The following ST3GAL1 variants were observed in gnomAD, a reference collection of about 807,000 sequenced individuals.
ST3GAL1 encodes the protein ST3 beta-galactoside alpha-2,3-sialyltransferase 1.
ST3GAL1 carries 16 observed loss-of-function variants against 34.1 expected under a neutral mutation model. The ratio of observed to expected loss-of-function variants is 0.47; its 90% CI spans 0.32 to 0.71. The LOEUF (loss-of-function observed/expected upper bound fraction) is 0.71. ST3GAL1 is among the 30% of genes least tolerant of loss of function. The pLI is 0.04. For missense variants in ST3GAL1, 353 were observed against 447.4 expected (o/e 0.79, Z 1.90); for synonymous variants, 191 against 184.7 (o/e 1.03, Z -0.28).
At chr8:133,483,353 C>G (rs1035701079) in intron 3 of ST3GAL1, among the ~76,000 whole-genome samples, 1 of 152,084 alleles carries the variant, frequency 6.6e-6, no homozygotes, top group African/African-American at 2.4e-5. Context: ...AACAAACAAA[C>G]AAACAAAAAT....
At chr8:133,560,294 C>A (rs1272493128) in intron 1 of ST3GAL1, among the ~76,000 whole-genome samples, 1 of 151,938 alleles carries the variant, frequency 6.6e-6, no homozygotes, top group Admixed American at 6.5e-5. Context: ...CCATCACTTC[C>A]ATCAGCATGA....
rs963249305 is a variant in ST3GAL1 at position 133,455,220 on chromosome 8, A to C, written c.*4544T>G. 6.6e-6 allele frequency: 1 copy of C among 152,330 alleles called. No homozygotes were observed. The highest frequency in any genetic ancestry group is 1.5e-5 in the Non-Finnish European group (1 of 68,074). 9.4% of individuals were successfully genotyped at this position (152,330 alleles called of 1,614,324 possible). On this transcript the variant is annotated 3_prime_UTR_variant, in exon 10 of 10. Coordinates refer to ENST00000522652, the MANE Select transcript of ST3GAL1 (RefSeq NM_173344.3). ...AGGCTAGGGTTAAAGCTGACGTCCC[A>C]CAGCTCAGGACGTACAACCGATGGC...
rs528735131 is a variant in ST3GAL1 at position 133,457,846 on chromosome 8, G to A, written c.*1918C>T. On this transcript the variant is annotated 3_prime_UTR_variant, in exon 10 of 10. Coordinates refer to ENST00000522652, the MANE Select transcript of ST3GAL1 (RefSeq NM_173344.3). ...GTGCAGAGGGGGCTCCCCCGAGCCT[G>A]GGAGCACAGGCCCCATGCCTCCGTC... 1 of 152,360 alleles carries A rather than the reference G, an allele frequency of 6.6e-6. No individual in the cohort carries two copies. Among genetic ancestry groups the A allele is most frequent in the South Asian group, 2.1e-4 (1 of 4,822 alleles). The allele number at this position is 152,360 out of a possible 1,614,324, so 9.4% of individuals were successfully genotyped here. A position where few individuals can be genotyped will look rare whatever the true frequency, so the allele number is the denominator to read the frequency against.
intron 3 of ST3GAL1, among the ~76,000 whole-genome samples, chr8:133,487,334 A>G (rs1816645762): frequency 9.1e-6 from 1 of 109,762 alleles, no homozygotes; most frequent in African/African-American, 3.2e-5. Context: ...ATTCCTGACC[A>G]TCACAAAAGA....
At chr8:133,565,150 C>CCT (rs1819353521) in intron 1 of ST3GAL1, among the ~76,000 whole-genome samples, 1 of 67,224 alleles carries the variant, frequency 1.5e-5, no homozygotes, top group Non-Finnish European at 2.9e-5. Context: ...GCTCTGTGTG[C>CCT]CTGTGTGTGT....
At chr8:133,531,707 T>C (rs1818158022) in intron 2 of ST3GAL1, among the ~76,000 whole-genome samples, 1 of 151,292 alleles carries the variant, frequency 6.6e-6, no homozygotes, top group African/African-American at 2.4e-5. Flanking sequence ...TAATGCCTGC[T>C]TAAAACCTAG....
At chr8:133,565,142 TCTGTGTGC>T (rs1819352306) in intron 1 of ST3GAL1, among the ~76,000 whole-genome samples, 2 of 144,192 alleles carry the variant, frequency 1.4e-5, no homozygotes, top group South Asian at 4.6e-4. Context: ...AGATAACAGC[TCTGTGTGC>T]CTGTGTGTGT....
intron 3 of ST3GAL1, among the ~76,000 whole-genome samples, chr8:133,482,093 A>T (rs895372879): frequency 6.6e-6 from 1 of 151,904 alleles, no homozygotes; most frequent in African/African-American, 2.4e-5. Context: ...CCTCTGCAAA[A>T]ATCAGCACAT....
intron 2 of ST3GAL1, among the ~76,000 whole-genome samples, chr8:133,509,973 T>C (rs2975744): frequency 0.26 from 39,104 of 150,904 alleles, 5,263 homozygotes; most frequent in African/African-American, 0.31. Flanking sequence ...GCAGGAGAAT[T>C]GCTTGAACCC....
chr8:133,462,261 G>C (rs1317712431), intron 8 of ST3GAL1, among the ~76,000 whole-genome samples: 1 of 152,134 alleles, frequency 6.6e-6, no homozygotes, highest in Non-Finnish European at 1.5e-5. Flanking sequence ...TCACTGAGCT[G>C]ACACACAGAA....
Position 133,508,960 on chromosome 8 carries a change from C to T in ST3GAL1, c.-428-9771G>A, listed in dbSNP as rs1817426927. Among the ~76,000 whole-genome samples, 1 of 152,124 alleles carries T rather than the reference C, an allele frequency of 6.6e-6. No individual in the cohort carries two copies. Among genetic ancestry groups the T allele is most frequent in the South Asian group, 2.1e-4 (1 of 4,830 alleles). ...AGTCCCTTGTCTCTGATCCAGGAAGCTCCTGTCTTCTGCCAGCATCTGTCA... is the reference window on the plus strand; with the variant it reads ...AGTCCCTTGTCTCTGATCCAGGAAGTTCCTGTCTTCTGCCAGCATCTGTCA... On this transcript the variant is annotated intron_variant, in intron 2 of 9. Coordinates refer to ENST00000522652, the MANE Select transcript of ST3GAL1 (RefSeq NM_173344.3). This position sits in a 1 kb window ranked among gnomAD's most constrained non-coding sequence, Gnocchi z 4.1.
chr8:133,553,260 CA>C (rs1818912285), intron 1 of ST3GAL1, among the ~76,000 whole-genome samples: 1 of 152,168 alleles, frequency 6.6e-6, no homozygotes, highest in Non-Finnish European at 1.5e-5. Flanking sequence ...CTGAGACAAT[CA>C]ACTTCCAGCT....
chr8:133,548,462 G>A (rs3758106), intron 1 of ST3GAL1, among the ~76,000 whole-genome samples: 197 of 152,254 alleles, frequency 1.3e-3, no homozygotes, highest in East Asian at 5.0e-3. Context: ...AAGCATTACC[G>A]CCAACACGTT....
At chr8:133,551,612 AAGAAAG>A (rs759004118) in intron 1 of ST3GAL1, among the ~76,000 whole-genome samples, 386 of 129,806 alleles carry the variant, frequency 3.0e-3, no homozygotes, top group Admixed American at 0.013. Context: ...GAAAGAAAGA[AAGAAAG>A]AGCGAGCAAG....
intron 2 of ST3GAL1, among the ~76,000 whole-genome samples, chr8:133,533,974 T>C (rs1208825348): frequency 2.0e-5 from 3 of 152,138 alleles, no homozygotes; most frequent in Non-Finnish European, 2.9e-5. Context: ...AATACAACCA[T>C]ATAGCATAAT....
rs1201277014 is a variant in ST3GAL1, at chr8:133,467,087, T to A, written c.307-997A>T. On this transcript the variant is annotated intron_variant, in intron 5 of 9. Coordinates refer to ENST00000522652, the MANE Select transcript of ST3GAL1 (RefSeq NM_173344.3). This position sits in a 1 kb window ranked among gnomAD's most constrained non-coding sequence, Gnocchi z 4.2. ...TTCAGCCTGGGTGACAGAGCGAGACTCCAACTCGAAAAAAAAAAAAAAAAG... is the reference window on the plus strand; with the variant it reads ...TTCAGCCTGGGTGACAGAGCGAGACACCAACTCGAAAAAAAAAAAAAAAAG... Among the ~76,000 whole-genome samples the A allele has an allele frequency of 1.5e-5, 2 of 131,484 alleles. No homozygotes were observed. Among genetic ancestry groups the A allele is most frequent in the Non-Finnish European group, 3.2e-5 (2 of 63,004 alleles). The allele number at this position is 131,484 out of a possible 152,430, so 86.3% of individuals were successfully genotyped here.
At chr8:133,474,760 A>C (rs1816102854) in intron 5 of ST3GAL1, among the ~76,000 whole-genome samples, 1 of 152,112 alleles carries the variant, frequency 6.6e-6, no homozygotes, top group Non-Finnish European at 1.5e-5. Flanking sequence ...GTGGGTCTCA[A>C]CTTGAGTCCT....
At chr8:133,491,960 T>C (rs1816799790) in intron 3 of ST3GAL1, among the ~76,000 whole-genome samples, 1 of 152,170 alleles carries the variant, frequency 6.6e-6, no homozygotes, top group Non-Finnish European at 1.5e-5. Context: ...CCTTGCCCTC[T>C]TGACCAGGGG....
intron 2 of ST3GAL1, among the ~76,000 whole-genome samples, chr8:133,538,511 T>C (rs925803949): frequency 2.0e-5 from 3 of 152,172 alleles, no homozygotes; most frequent in Admixed American, 2.0e-4. Context: ...CGAGACTCCA[T>C]CTCAAAAAAT....
Sources: gnomAD v4.1 joint callset for allele counts (sites outside exome capture counted in the v4.1 genomes callset) on GRCh38, gnomAD v4.1.1 for gene constraint, Gnocchi (gnomAD v3.1) non-coding constraint, MANE v1.5 for transcripts, NCBI Gene and HGNC (gene_info 2026-07-23, HGNC 2026-07-21) for gene names.